Variants in BMERB1 observed in about 807,000 individuals in gnomAD.
The protein encoded by BMERB1 is bMERB domain containing 1, also known as bMERB domain-containing protein 1.
In BMERB1, 12 loss-of-function variants were observed where a neutral mutation model predicts 23.6. The ratio of observed to expected loss-of-function variants is 0.51; its 90% CI spans 0.33 to 0.82. The LOEUF (loss-of-function observed/expected upper bound fraction) is 0.82. Ranked by LOEUF, BMERB1 falls within the 40% of genes least tolerant of loss-of-function variation. The pLI, the probability that BMERB1 is intolerant of heterozygous loss-of-function variation, is 0.03. For synonymous variants in BMERB1, 122 were observed against 96.6 expected, an observed-to-expected ratio of 1.26 and a Z score of -1.54; for missense variants, 247 against 255.4, an observed-to-expected ratio of 0.97 and a Z score of 0.22.
chr16:15,500,383 C>A (rs567935800), intron 1 of BMERB1, among the ~76,000 whole-genome samples: 1 of 152,178 alleles, frequency 6.6e-6, no homozygotes, highest in African/African-American at 2.4e-5. Flanking sequence ...CGTGCTGAGG[C>A]CCTGACCAAA....
chr16:15,499,666 C>T (rs2051508591), intron 1 of BMERB1, among the ~76,000 whole-genome samples: 1 of 137,824 alleles, frequency 7.3e-6, no homozygotes. Flanking sequence ...CCTTTCCTTC[C>T]TCCCAGTTCC....
At chr16:15,583,901 A>G (rs1049038147) in intron 5 of BMERB1, 3 of 663,006 alleles carry the variant, frequency 4.5e-6, no homozygotes, top group South Asian at 3.3e-5. Context: ...TCTGCAAACT[A>G]CGTACCTGGT....
intron 1 of BMERB1, among the ~76,000 whole-genome samples, chr16:15,435,869 T>A (rs1223185851): frequency 6.6e-6 from 1 of 152,216 alleles, no homozygotes; most frequent in East Asian, 1.9e-4. Flanking sequence ...CAATCCAATG[T>A]CTTAGTGGTT....
chr16:15,468,209 G>T (rs1012159271), intron 1 of BMERB1, among the ~76,000 whole-genome samples: 19 of 114,282 alleles, frequency 1.7e-4, no homozygotes, highest in African/African-American at 6.4e-4. Context: ...GCAGTGGCAC[G>T]ATCACAGCTC....
At chr16:15,496,953 CATTGCTGGCTTTGA>C (rs1231724412) in intron 1 of BMERB1, among the ~76,000 whole-genome samples, 1 of 152,188 alleles carries the variant, frequency 6.6e-6, no homozygotes, top group Non-Finnish European at 1.5e-5. Flanking sequence ...CACCATTCAC[CATTGCTGGCTTTGA>C]ACATGAAGCA....
At chr16:15,516,547 G>A (rs2051759798) in intron 2 of BMERB1, among the ~76,000 whole-genome samples, 1 of 152,166 alleles carries the variant, frequency 6.6e-6, no homozygotes, top group African/African-American at 2.4e-5. Context: ...CAAACCAGAG[G>A]TTAAGAGGCA....
At chr16:15,444,123 G>GTTTTTTTTTTTTTTTTGTTTTTT (rs2050966920) in intron 1 of BMERB1, among the ~76,000 whole-genome samples, 1 of 35,610 alleles carries the variant, frequency 2.8e-5, no homozygotes, top group Non-Finnish European at 4.6e-5. Flanking sequence ...CACCAGCTTT[G>GTTTTTTTTTTTTTTTTGTTTTTT]TTTTTTTTTT....
chr16:15,588,195 A>C lies in BMERB1; in HGVS notation c.*1366A>C, dbSNP rs545309298. The C allele has an allele frequency of 1.3e-5, 2 of 152,118 alleles. No individual in the cohort carries two copies. Among genetic ancestry groups the C allele is most frequent in the Admixed American group, 6.6e-5 (1 of 15,262 alleles). The allele number at this position is 152,118 out of a possible 1,614,324, so 9.4% of individuals were successfully genotyped here. On this transcript the variant is annotated 3_prime_UTR_variant, in exon 6 of 6. Transcript: ENST00000300006. The stretch of plus-strand genomic sequence containing the variant: ...ATTTATAACCAGTTTTTTCCTACTT[A>C]TTATACCACCATCTTCCACATCATT...
intron 2 of BMERB1, among the ~76,000 whole-genome samples, chr16:15,567,205 A>T (rs759873039): frequency 2.4e-4 from 33 of 138,040 alleles, no homozygotes; most frequent in Non-Finnish European, 3.4e-4. Flanking sequence ...AATAAAAAAT[A>T]AAAAATTAAA....
intron 2 of BMERB1, among the ~76,000 whole-genome samples, chr16:15,539,387 C>T (rs1350326096): frequency 2.0e-5 from 3 of 152,148 alleles, no homozygotes; most frequent in Non-Finnish European, 2.9e-5. Context: ...CCGCCACTCA[C>T]CTCCTGCTGT....
intron 1 of BMERB1, among the ~76,000 whole-genome samples, chr16:15,481,455 A>G (rs1036184446): frequency 1.3e-5 from 2 of 151,800 alleles, no homozygotes; most frequent in African/African-American, 4.8e-5. Context: ...TGAACCCGGG[A>G]GGCGGAGCTT....
In BMERB1 at chr16:15,529,412, C is replaced by G. The variant is rs371969691; in HGVS notation, c.230+13984C>G. Among the ~76,000 whole-genome samples the G allele has an allele frequency of 3.0e-3, 460 of 152,246 alleles. 1 individual carries two copies. Among genetic ancestry groups the G allele is most frequent in the South Asian group, 6.8e-3 (33 of 4,824 alleles). ...AGGCACCTGATAAACTCTGTCCCCT[C>G]GAGGACTGAGATCTAGGGCATTTCT... On this transcript the variant is annotated intron_variant, in intron 2 of 5. Coordinates refer to ENST00000300006, the MANE Select transcript of BMERB1 (RefSeq NM_033201.3).
chr16:15,513,806 A>G (rs1210947706), intron 1 of BMERB1, among the ~76,000 whole-genome samples: 1 of 151,986 alleles, frequency 6.6e-6, no homozygotes, highest in East Asian at 1.9e-4. Context: ...ACGCAGGAGA[A>G]TCACTCGAAC....
intron 3 of BMERB1, among the ~76,000 whole-genome samples, chr16:15,568,743 G>A (rs1001921945): frequency 6.6e-6 from 1 of 152,162 alleles, no homozygotes; most frequent in African/African-American, 2.4e-5. Context: ...GTAAATATTA[G>A]CAATTATGAC....
At chr16:15,492,934 AAAG>A (rs936977215) in intron 1 of BMERB1, among the ~76,000 whole-genome samples, 8 of 151,904 alleles carry the variant, frequency 5.3e-5, no homozygotes, top group African/African-American at 1.2e-4. Context: ...AAAAGAAAAA[AAAG>A]AAGAAAGTGA....
intron 1 of BMERB1, among the ~76,000 whole-genome samples, chr16:15,435,238 A>G (rs559848560): frequency 6.6e-6 from 1 of 152,076 alleles, no homozygotes; most frequent in East Asian, 1.9e-4. Context: ...CGCACCTGAA[A>G]TTCCCAGCTT....
chr16:15,455,248 C>T (rs1433804874), intron 1 of BMERB1, among the ~76,000 whole-genome samples: 2 of 149,190 alleles, frequency 1.3e-5, no homozygotes, highest in Non-Finnish European at 3.0e-5. Context: ...CACTTGAACC[C>T]GGGAGATGGA....
At chr16:15,456,762 A>T (rs1321389248) in intron 1 of BMERB1, among the ~76,000 whole-genome samples, 1 of 152,136 alleles carries the variant, frequency 6.6e-6, no homozygotes, top group African/African-American at 2.4e-5. Flanking sequence ...TAACAATTTG[A>T]TAAAGAATGC....
intron 1 of BMERB1, among the ~76,000 whole-genome samples, chr16:15,455,134 T>G (rs1000834082): frequency 6.6e-6 from 1 of 152,028 alleles, no homozygotes; most frequent in African/African-American, 2.4e-5. Flanking sequence ...GAGTTCAGCC[T>G]GGCTAACATG....
Sources: gnomAD v4.1 joint callset for allele counts (sites outside exome capture counted in the v4.1 genomes callset) on GRCh38, gnomAD v4.1.1 for gene constraint, MANE v1.5 for transcripts, NCBI Gene and HGNC (gene_info 2026-07-23, HGNC 2026-07-21) for gene names.